The following TIAM1 variants were observed in gnomAD, a reference collection of about 807,000 sequenced individuals.
The protein encoded by TIAM1 is TIAM Rac1 associated GEF 1.
Under a neutral mutation model 163.5 loss-of-function variants are expected in TIAM1, and 65 were observed. The observed-to-expected ratio is 0.40, with a 90% CI of 0.33 to 0.49. The LOEUF (loss-of-function observed/expected upper bound fraction) is 0.49. Ranked by LOEUF, TIAM1 falls within the 20% of genes least tolerant of loss-of-function variation. The pLI, the probability that TIAM1 is intolerant of heterozygous loss-of-function variation, is 0.77. For synonymous variants in TIAM1, 833 were observed against 810.1 expected, an observed-to-expected ratio of 1.03 and a Z score of -0.48; for missense variants, 1,789 against 2,044.7, an observed-to-expected ratio of 0.87 and a Z score of 2.41.
At chr21:31,476,504 C>G (rs1367160692) in intron 1 of TIAM1, among the ~76,000 whole-genome samples, 1 of 152,172 alleles carries the variant, frequency 6.6e-6, no homozygotes, top group Non-Finnish European at 1.5e-5. Flanking sequence ...TGTACTTGTT[C>G]TTTAGTAAAT....
At chr21:31,356,662 T>G (rs1839239435) in intron 2 of TIAM1, among the ~76,000 whole-genome samples, 1 of 152,258 alleles carries the variant, frequency 6.6e-6, no homozygotes, top group African/African-American at 2.4e-5. Context: ...CAATCTGCTG[T>G]TGCCTAGATC....
chr21:31,285,725 G>C (rs560130156), intron 2 of TIAM1, among the ~76,000 whole-genome samples: 14 of 152,232 alleles, frequency 9.2e-5, no homozygotes, highest in African/African-American at 3.1e-4. Context: ...GCTGAGTGTG[G>C]TGGCCCACAC....
Position 31,134,196 on chromosome 21 carries a change from G to A in TIAM1, c.3883+1737C>T, listed in dbSNP as rs1487998509. On this transcript the variant is annotated intron_variant, in intron 23 of 27. Transcript: ENST00000541036. ...ACTACAGTGAATCTGTAAAACTGAG[G>A]GCAAAGCCATGAAAAATCTAAATGT... Among the ~76,000 whole-genome samples the A allele has an allele frequency of 2.0e-5, 3 of 151,964 alleles. No homozygotes were observed. In the East Asian group the frequency reaches 5.8e-4, roughly 29 times the overall value.
chr21:31,174,311 T>A (rs727551), intron 15 of TIAM1, among the ~76,000 whole-genome samples: 5,305 of 152,280 alleles, frequency 0.035, 339 homozygotes, highest in African/African-American at 0.12. Flanking sequence ...GCAATTCCTC[T>A]CTCTGAAGCA....
chr21:31,392,130 A>G (rs1190817007), intron 2 of TIAM1, among the ~76,000 whole-genome samples: 1 of 152,210 alleles, frequency 6.6e-6, no homozygotes, highest in Non-Finnish European at 1.5e-5. Flanking sequence ...TATTAAATGT[A>G]TTTTCAACTT....
intron 1 of TIAM1, among the ~76,000 whole-genome samples, chr21:31,546,790 G>A (rs73345659): frequency 0.028 from 4,292 of 152,202 alleles, 215 homozygotes; most frequent in African/African-American, 0.098. Context: ...GAAGTAACTT[G>A]TTGAAGCTTG....
chr21:31,179,030 C>T (rs527892943), intron 15 of TIAM1, among the ~76,000 whole-genome samples: 101 of 151,704 alleles, frequency 6.7e-4, no homozygotes, highest in Non-Finnish European at 1.1e-3. Flanking sequence ...GGATTACAGG[C>T]GTGAGCCACC....
intron 2 of TIAM1, among the ~76,000 whole-genome samples, chr21:31,422,034 A>AT (rs2043595186): frequency 6.6e-6 from 1 of 152,124 alleles, no homozygotes; most frequent in Non-Finnish European, 1.5e-5. Context: ...TCTAAAAAAA[A>AT]CAAAAAACAA....
intron 26 of TIAM1, 67 bp from the exon 27 acceptor site, chr21:31,124,761 T>A: frequency 7.3e-7 from 1 of 1,365,074 alleles, no homozygotes; most frequent in Non-Finnish European, 9.8e-7. Flanking sequence ...TCTAAGGTTA[T>A]CAGGTGCAAC....
In TIAM1 at chr21:31,172,391, G is replaced by A. The variant is rs138156538; in HGVS notation, c.2888-7326C>T. Among the ~76,000 whole-genome samples, 240 of 152,182 alleles carry A rather than the reference G, an allele frequency of 1.6e-3. 1 individual carries two copies. Among genetic ancestry groups the A allele is most frequent in the African/African-American group, 5.6e-3 (233 of 41,536 alleles). ...CTACTCACAATAGTAGTAGGTGAGC[G>A]GCTTTCCCCTAATGACAGAAATTGG... On this transcript the variant is annotated intron_variant, in intron 15 of 27. Coordinates refer to ENST00000541036, the MANE Select transcript of TIAM1 (RefSeq NM_001353694.2).
At chr21:31,292,490 C>T (rs1373260014) in intron 2 of TIAM1, among the ~76,000 whole-genome samples, 1 of 151,782 alleles carries the variant, frequency 6.6e-6, no homozygotes, top group Non-Finnish European at 1.5e-5. Flanking sequence ...ATGCCTCAGC[C>T]TCCCGAGTAG....
chr21:31,206,574 T>C (rs2086463377), intron 11 of TIAM1, among the ~76,000 whole-genome samples: 1 of 152,228 alleles, frequency 6.6e-6, no homozygotes. Flanking sequence ...CCAATGTACA[T>C]GTACTTAAGT....
At chr21:31,204,931 C>G (rs768808112) in intron 11 of TIAM1, among the ~76,000 whole-genome samples, 18 of 152,216 alleles carry the variant, frequency 1.2e-4, no homozygotes, top group Non-Finnish European at 2.5e-4. Context: ...GACACAGATG[C>G]CATTCACCGA....
intron 20 of TIAM1, among the ~76,000 whole-genome samples, chr21:31,142,021 GGCTTCGAGT>G (rs1270819809): frequency 6.6e-6 from 1 of 151,956 alleles, no homozygotes; most frequent in Non-Finnish European, 1.5e-5. Context: ...CACACATCTC[GGCTTCGAGT>G]GCACCACAGA....
At chr21:31,231,968 T>C (rs116519158) in intron 6 of TIAM1, among the ~76,000 whole-genome samples, 3,026 of 151,772 alleles carry the variant, frequency 0.02, 118 homozygotes, top group African/African-American at 0.069. Context: ...GCTGAGATTA[T>C]GCCACAGTAC....
chr21:31,178,216 A>C (rs1312027236), intron 15 of TIAM1, among the ~76,000 whole-genome samples: 5 of 151,234 alleles, frequency 3.3e-5, no homozygotes, highest in Admixed American at 2.0e-4. Context: ...GAAGGCAGAT[A>C]GGCAGAGACC....
chr21:31,525,596 A>G (rs747052099), intron 1 of TIAM1, among the ~76,000 whole-genome samples: 25 of 152,192 alleles, frequency 1.6e-4, no homozygotes, highest in Non-Finnish European at 4.4e-5. Context: ...TGAGGCACAG[A>G]GCCAAGTGAC....
rs372874446 is a variant in TIAM1 at position 31,423,462 on chromosome 21, T to C, written c.-369+40521A>G. Among the ~76,000 whole-genome samples, 29 of 152,046 alleles carry C rather than the reference T, an allele frequency of 1.9e-4. No individual in the cohort carries two copies. In the South Asian group the frequency reaches 6.0e-3, roughly 32 times the overall value. ...GCCTACCCTCGCTGTCCCTGCCCCA[T>C]CATTATACACATTCAGAGAATCCAC... On this transcript the variant is annotated intron_variant, in intron 2 of 28. Coordinates refer to the TIAM1 transcript ENST00000286827.
At chr21:31,124,878 C>T (rs962644113) in intron 26 of TIAM1, among the ~76,000 whole-genome samples, 184 bp from the exon 27 acceptor site, 14 of 152,194 alleles carry the variant, frequency 9.2e-5, no homozygotes, top group Non-Finnish European at 2.9e-5. Flanking sequence ...TAACTCCTTT[C>T]CCTTCATGCT....
Sources: gnomAD v4.1 joint callset for allele counts (sites outside exome capture counted in the v4.1 genomes callset) on GRCh38, gnomAD v4.1.1 for gene constraint, MANE v1.5 for transcripts, NCBI Gene and HGNC (gene_info 2026-07-23, HGNC 2026-07-21) for gene names.